PDIA5: variants seen among roughly 807,000 people sequenced by gnomAD.
PDIA5 encodes the protein protein disulfide isomerase family A member 5, also known as protein disulfide-isomerase A5.
In PDIA5, 58 loss-of-function variants were observed where a neutral mutation model predicts 77.6. The ratio of observed to expected loss-of-function variants is 0.75; its 90% CI spans 0.61 to 0.93. The LOEUF (loss-of-function observed/expected upper bound fraction) is 0.93. Ranked by LOEUF, PDIA5 falls within the 40% of genes least tolerant of loss-of-function variation. PDIA5 has a pLI of 0.00. For missense variants in PDIA5, 630 were observed against 647.7 expected (o/e 0.97, Z 0.30); for synonymous variants, 250 against 252.1 (o/e 0.99, Z 0.08).
At chr3:123,126,630 C>T (rs1412601683) in intron 10 of PDIA5, among the ~76,000 whole-genome samples, 1 of 152,200 alleles carries the variant, frequency 6.6e-6, no homozygotes, top group African/African-American at 2.4e-5. Context: ...TTCCAGTTTC[C>T]CCTCACATCC....
chr3:123,099,054 TGC>T (rs1384826545), intron 3 of PDIA5, among the ~76,000 whole-genome samples: 4 of 140,834 alleles, frequency 2.8e-5, no homozygotes, highest in South Asian at 2.2e-4. Flanking sequence ...CACACATGCT[TGC>T]GCACACACAC....
intron 3 of PDIA5, among the ~76,000 whole-genome samples, chr3:123,098,756 C>G (rs909757243): frequency 4.6e-5 from 7 of 152,086 alleles, no homozygotes; most frequent in African/African-American, 1.7e-4. Flanking sequence ...GGACAGGGGC[C>G]GGGGAGTCAG....
chr3:123,118,720 C>T (rs556264584), intron 8 of PDIA5, among the ~76,000 whole-genome samples: 1 of 152,346 alleles, frequency 6.6e-6, no homozygotes, highest in East Asian at 1.9e-4. Context: ...ATGTCTATTT[C>T]TTTAGCACAT....
At chr3:123,083,368 C>T (rs752142951) in intron 1 of PDIA5, among the ~76,000 whole-genome samples, 12 of 152,216 alleles carry the variant, frequency 7.9e-5, no homozygotes, top group Non-Finnish European at 1.3e-4. Context: ...CCATTTTTCC[C>T]GGCAGTTTTC....
At chr3:123,074,644 A>G (rs1447344110) in intron 1 of PDIA5, among the ~76,000 whole-genome samples, 1 of 152,220 alleles carries the variant, frequency 6.6e-6, no homozygotes, top group African/African-American at 2.4e-5. Flanking sequence ...ATGTGATAAG[A>G]AAATATGATT....
At chr3:123,107,767 T>C (rs1401022121) in intron 6 of PDIA5, among the ~76,000 whole-genome samples, 1 of 152,208 alleles carries the variant, frequency 6.6e-6, no homozygotes, top group Non-Finnish European at 1.5e-5. Context: ...TTCATCTTTC[T>C]CTTCCTCCTC....
chr3:123,117,399 T>TATATATA (rs60353329), intron 8 of PDIA5, among the ~76,000 whole-genome samples: 9 of 135,400 alleles, frequency 6.6e-5, no homozygotes, highest in South Asian at 2.4e-4. Context: ...TATATATATA[T>TATATATA]TCTGTTTTAG....
At chr3:123,091,688 C>T (rs1339839532) in intron 2 of PDIA5, among the ~76,000 whole-genome samples, 2 of 152,326 alleles carry the variant, frequency 1.3e-5, no homozygotes, top group Non-Finnish European at 2.9e-5. Flanking sequence ...GTCCACATTC[C>T]TGCAATTGAC....
chr3:123,138,713 G>A (rs538373830), intron 11 of PDIA5, among the ~76,000 whole-genome samples: 163 of 152,258 alleles, frequency 1.1e-3, no homozygotes, highest in African/African-American at 3.7e-3. Context: ...GTGCTTATGC[G>A]TTTGGAAGCC....
chr3:123,103,743 C>T (rs888400043), intron 5 of PDIA5, among the ~76,000 whole-genome samples: 2 of 152,222 alleles, frequency 1.3e-5, no homozygotes, highest in Non-Finnish European at 2.9e-5. Context: ...AGCCTGATTA[C>T]TCATCACCTT....
At chr3:123,150,023 T>C (rs1262600080) in intron 13 of PDIA5, among the ~76,000 whole-genome samples, 1 of 152,196 alleles carries the variant, frequency 6.6e-6, no homozygotes, top group Non-Finnish European at 1.5e-5. Context: ...GGCTCCTTAA[T>C]GGGCTCCTCA....
At chr3:123,092,987 C>A (rs533556115) in intron 3 of PDIA5, among the ~76,000 whole-genome samples, 1 of 152,300 alleles carries the variant, frequency 6.6e-6, no homozygotes, top group Admixed American at 6.5e-5. Flanking sequence ...TTTAATGTAG[C>A]TATTATTGCC....
chr3:123,123,691 C>G (rs75572098), intron 8 of PDIA5, among the ~76,000 whole-genome samples: 4,442 of 152,326 alleles, frequency 0.029, 246 homozygotes, highest in African/African-American at 0.1. Context: ...TTGACATGAA[C>G]AGAGAAATAG....
chr3:123,150,992 C>T (rs1039440018), intron 14 of PDIA5, among the ~76,000 whole-genome samples: 3 of 152,210 alleles, frequency 2.0e-5, no homozygotes, highest in South Asian at 2.1e-4. Context: ...CTCTCTCTCC[C>T]CCAGGTTACA....
intron 11 of PDIA5, among the ~76,000 whole-genome samples, chr3:123,136,877 G>A (rs114121213): frequency 0.012 from 1,821 of 152,018 alleles, 17 homozygotes; most frequent in Non-Finnish European, 0.019. Flanking sequence ...GTAGATATTG[G>A]CACATAAATC....
chr3:123,148,894 C>T (rs551669990), intron 13 of PDIA5, among the ~76,000 whole-genome samples: 1 of 152,256 alleles, frequency 6.6e-6, no homozygotes, highest in East Asian at 1.9e-4. Flanking sequence ...AGAAGCAGGG[C>T]GAGCAGACAG....
At chr3:123,072,524 G>T (rs967553906) in intron 1 of PDIA5, among the ~76,000 whole-genome samples, 1 of 152,192 alleles carries the variant, frequency 6.6e-6, no homozygotes, top group Non-Finnish European at 1.5e-5. Flanking sequence ...CCCCTGTGCA[G>T]CTAGGATTCT....
chr3:123,069,744 C>A (rs1933676469), intron 1 of PDIA5, among the ~76,000 whole-genome samples: 1 of 152,130 alleles, frequency 6.6e-6, no homozygotes, highest in Non-Finnish European at 1.5e-5. Flanking sequence ...CCTAACACCA[C>A]CACTTTGGGG....
At chr3:123,105,362 C>G (rs1031997642) in intron 5 of PDIA5, among the ~76,000 whole-genome samples, 6 of 152,212 alleles carry the variant, frequency 3.9e-5, no homozygotes, top group Non-Finnish European at 7.3e-5. Flanking sequence ...CTCACATGGC[C>G]TGGTGGACAG....
Sources: gnomAD v4.1 joint callset for allele counts (sites outside exome capture counted in the v4.1 genomes callset) on GRCh38, gnomAD v4.1.1 for gene constraint, MANE v1.5 for transcripts, NCBI Gene and HGNC (gene_info 2026-07-23, HGNC 2026-07-21) for gene names.